Variants in MED12L observed in about 807,000 individuals in gnomAD.
MED12L encodes mediator of RNA polymerase II transcription subunit 12-like protein.
MED12L carries 60 observed loss-of-function variants against 281.3 expected under a neutral mutation model. That is an observed-to-expected ratio of 0.21 (90% confidence interval 0.17 to 0.26). MED12L has a LOEUF of 0.26. MED12L is among the 10% of genes least tolerant of loss of function. The pLI, the probability that MED12L is intolerant of heterozygous loss-of-function variation, is 1.00. For missense variants in MED12L, 2,146 were observed against 2,680.9 expected (o/e 0.80, Z 4.41); for synonymous variants, 974 against 987.2 (o/e 0.99, Z 0.25).
At chr3:151,199,620 G>A (rs927003519) in intron 16 of MED12L, among the ~76,000 whole-genome samples, 3 of 151,232 alleles carry the variant, frequency 2.0e-5, no homozygotes, top group African/African-American at 7.3e-5. Flanking sequence ...GTTTTCCATT[G>A]TCTGATTTTG....
intron 16 of MED12L, chr3:151,213,219 G>A (rs982478855): frequency 1.4e-5 from 15 of 1,036,618 alleles, no homozygotes; most frequent in East Asian, 9.5e-5. Flanking sequence ...TATGATGAGG[G>A]CACATATCTT....
intron 16 of MED12L, among the ~76,000 whole-genome samples, chr3:151,227,302 C>T (rs1472029012): frequency 2.0e-5 from 3 of 152,196 alleles, no homozygotes. Context: ...AAATTCGGCC[C>T]TCTCTTGATT....
At position 151,368,162 on chromosome 3, in the gene MED12L, C is replaced by G; in HGVS notation, c.3461C>G (p.Ala1154Gly). The change falls in exon 25 of 45, where the codon GCG becomes GGG. Residue 1154 changes from alanine to glycine, a missense_variant. Ala to Gly is a moderately conservative substitution (Grantham distance 60). Around this residue, in one of 9 missense-constraint regions of MED12L, gnomAD observed 404 missense variants for 603.5 expected, o/e 0.67. Coordinates refer to ENST00000687756, the MANE Select transcript of MED12L (RefSeq NM_001393769.1). Reference sequence around the variant, plus strand: ...CCCCCTTTCCTAGCTTGTGGGGATGCGGACGCCGAGCCTGGGGCGAGAATG... The same window carrying G: ...CCCCCTTTCCTAGCTTGTGGGGATGGGGACGCCGAGCCTGGGGCGAGAATG... ...PSLLAAACGD[A>G]DAEPGARMTC... The G allele has an allele frequency of 6.2e-7, 1 of 1,613,786 alleles. No individual in the cohort carries two copies. Among genetic ancestry groups the G allele is most frequent in the Non-Finnish European group, 8.5e-7 (1 of 1,179,816 alleles).
intron 16 of MED12L, among the ~76,000 whole-genome samples, chr3:151,272,828 C>T (rs989665849): frequency 2.0e-5 from 3 of 152,100 alleles, no homozygotes; most frequent in Non-Finnish European, 1.5e-5. Context: ...AGCCATTCTT[C>T]TAGGTGGTTA....
chr3:151,416,402 A>G lies in MED12L; in HGVS notation c.6388A>G (p.Met2130Val), dbSNP rs200352739. Reference protein sequence around the residue: ...SQSQTLGLQAMQPQQPLFPRQ... With the variant: ...SQSQTLGLQAVQPQQPLFPRQ... ...GAGTCAGACCCTTGGTCTCCAAGCA[A>G]TGCAGCCCCAGCAGCCCTTGGTAAG... Residue 2130 changes from methionine to valine, a missense_variant, in exon 43 of 45, where the codon ATG becomes GTG. Transcript: ENST00000687756. 20 of 1,612,990 alleles carry G rather than the reference A, an allele frequency of 1.2e-5. No individual in the cohort carries two copies. The highest frequency in any genetic ancestry group is 8.8e-5 in the South Asian group (8 of 91,006).
intron 16 of MED12L, among the ~76,000 whole-genome samples, chr3:151,231,168 A>G (rs1731593150): frequency 6.6e-6 from 1 of 152,214 alleles, no homozygotes; most frequent in South Asian, 2.1e-4. Context: ...GTAGGATGCA[A>G]ATGAGAAAGC....
Position 151,365,000 on chromosome 3 carries a change from G to C in MED12L, c.2979G>C (p.Lys993Asn). ...DLFSSACSKV[K>N]QTIYNNVMPA... ...TCAGTAGTGCCTGTTCAAAAGTAAA[G>C]CAAACCATATATAATAACGTGATGC... The change falls in exon 22 of 45, where the codon AAG becomes AAC. Residue 993 changes from lysine to asparagine, a missense_variant. Lys to Asn is a moderately conservative substitution (Grantham distance 94, BLOSUM62 0). Around this residue, in one of 9 missense-constraint regions of MED12L, gnomAD observed 404 missense variants for 603.5 expected, o/e 0.67. Transcript: ENST00000687756. The C allele has an allele frequency of 6.2e-7, 1 of 1,613,830 alleles. No homozygotes were observed. Among genetic ancestry groups the C allele is most frequent in the South Asian group, 1.1e-5 (1 of 91,062 alleles).
intron 16 of MED12L, among the ~76,000 whole-genome samples, chr3:151,340,133 T>A (rs895760974): frequency 6.6e-6 from 1 of 152,156 alleles, no homozygotes; most frequent in South Asian, 2.1e-4. Flanking sequence ...TTTAAAATAA[T>A]GCTAAACAAA....
At chr3:151,276,792 ATAC>A (rs1741938081) in intron 16 of MED12L, among the ~76,000 whole-genome samples, 1 of 152,158 alleles carries the variant, frequency 6.6e-6, no homozygotes, top group Non-Finnish European at 1.5e-5. Context: ...GGGCACCGTA[ATAC>A]TTCAGGAAAT....
At chr3:151,392,002 A>G (rs1249475996) in intron 38 of MED12L, among the ~76,000 whole-genome samples, 3 of 148,744 alleles carry the variant, frequency 2.0e-5, no homozygotes, top group Non-Finnish European at 4.5e-5. Flanking sequence ...TTGGAGATGT[A>G]GAAGTTTGTT....
chr3:151,375,080 G>A (rs1414112982), intron 27 of MED12L, among the ~76,000 whole-genome samples: 1 of 152,220 alleles, frequency 6.6e-6, no homozygotes, highest in Admixed American at 6.5e-5. Flanking sequence ...AGAGGCAATT[G>A]TGTGTTGGTT....
chr3:151,283,394 T>C (rs1470872101), intron 16 of MED12L, among the ~76,000 whole-genome samples: 1 of 152,244 alleles, frequency 6.6e-6, no homozygotes. Flanking sequence ...ACAAAAACTT[T>C]TGTATGTGTA....
At chr3:151,086,674 C>T in intron 1 of MED12L, 124 bp from the exon 2 acceptor site, 1 of 358,536 alleles carries the variant, frequency 2.8e-6, no homozygotes, top group Non-Finnish European at 5.1e-6. Context: ...CCGCCGCCGC[C>T]ACCGGAGCGG....
At chr3:151,234,785 T>A (rs1224990247) in intron 16 of MED12L, among the ~76,000 whole-genome samples, 1 of 152,202 alleles carries the variant, frequency 6.6e-6, no homozygotes, top group Admixed American at 6.5e-5. Flanking sequence ...GCATAAGTGA[T>A]GCCCATATAA....
At chr3:151,137,156 G>A (rs1480094293) in intron 5 of MED12L, among the ~76,000 whole-genome samples, 2 of 125,232 alleles carry the variant, frequency 1.6e-5, no homozygotes, top group African/African-American at 6.4e-5. Flanking sequence ...GGTAGACTCC[G>A]TCTCAAAAAA....
intron 16 of MED12L, among the ~76,000 whole-genome samples, chr3:151,304,260 A>C (rs143351822): frequency 6.6e-6 from 1 of 152,134 alleles, no homozygotes. Flanking sequence ...TTTCTTAAGC[A>C]TATCATTCAA....
At chr3:151,209,782 A>G (rs1266248457) in intron 16 of MED12L, among the ~76,000 whole-genome samples, 2 of 152,174 alleles carry the variant, frequency 1.3e-5, no homozygotes, top group Non-Finnish European at 2.9e-5. Context: ...TACTTGACTA[A>G]CATCATCAAG....
chr3:151,167,412 T>C (rs1458327657), intron 11 of MED12L, among the ~76,000 whole-genome samples: 1 of 152,240 alleles, frequency 6.6e-6, no homozygotes, highest in Non-Finnish European at 1.5e-5. Flanking sequence ...GCAAGCATCT[T>C]TGATATTTCA....
chr3:151,151,627 T>G (rs1228250452), intron 5 of MED12L, among the ~76,000 whole-genome samples: 1 of 151,662 alleles, frequency 6.6e-6, no homozygotes, highest in Non-Finnish European at 1.5e-5. Context: ...AGAGACAGGT[T>G]GATGCAACAG....
Sources: allele counts gnomAD v4.1 joint callset (sites outside exome capture counted in the v4.1 genomes callset), GRCh38; gene constraint gnomAD v4.1.1; regional missense constraint gnomAD v4.1.1; transcripts MANE v1.5; gene names NCBI Gene and HGNC (gene_info 2026-07-23, HGNC 2026-07-21).